CNTNAP4: variants seen among roughly 807,000 people sequenced by gnomAD.
CNTNAP4 encodes the protein contactin-associated protein-like 4.
A neutral mutation model predicts 148.4 loss-of-function variants in CNTNAP4; 98 were observed. The ratio of observed to expected loss-of-function variants is 0.66; its 90% CI spans 0.56 to 0.78. CNTNAP4 has a LOEUF of 0.78. Ranked by LOEUF, CNTNAP4 falls within the 30% of genes least tolerant of loss-of-function variation. The pLI, the probability that CNTNAP4 is intolerant of heterozygous loss-of-function variation, is 0.00. For synonymous variants in CNTNAP4, 730 were observed against 565.1 expected, an observed-to-expected ratio of 1.29 and a Z score of -4.14; for missense variants, 1,935 against 1,565.6, an observed-to-expected ratio of 1.24 and a Z score of -3.98.
rs986707640 is a variant in CNTNAP4, at chr16:76,495,074, C to A, written c.2237+8C>A. 6.2e-7 allele frequency: 1 copy of A among 1,611,486 alleles called. No individual in the cohort carries two copies. The highest frequency in any genetic ancestry group is 2.2e-5 in the East Asian group (1 of 44,816). ...TGCTGACCGGAATGAATGGTGATTT[C>A]CATATGATTTCTTTATGCAAGAAAA... On this transcript the variant is annotated splice_region_variant and intron_variant, in intron 14 of 23. Transcript: ENST00000611870.
chr16:76,383,829 G>T (rs536305776), intron 3 of CNTNAP4, among the ~76,000 whole-genome samples: 1 of 152,288 alleles, frequency 6.6e-6, no homozygotes, highest in Admixed American at 6.5e-5. Context: ...GGGGACATGG[G>T]TGTAGGCGAA....
intron 5 of CNTNAP4, 24 bp from the exon 6 acceptor site, chr16:76,448,743 C>A: frequency 3.3e-6 from 5 of 1,516,900 alleles, no homozygotes; most frequent in Non-Finnish European, 4.4e-6. Flanking sequence ...AATAATGGTG[C>A]TGTTATTTTT....
At chr16:76,329,886 G>A (rs1963353271) in intron 2 of CNTNAP4, among the ~76,000 whole-genome samples, 1 of 152,292 alleles carries the variant, frequency 6.6e-6, no homozygotes, top group South Asian at 2.1e-4. Context: ...CTGTGTGCCA[G>A]AAAGAGAACG....
At chr16:76,371,139 A>C (rs2014771684) in intron 3 of CNTNAP4, among the ~76,000 whole-genome samples, 1 of 152,226 alleles carries the variant, frequency 6.6e-6, no homozygotes, top group African/African-American at 2.4e-5. Context: ...TTAGAGTTCA[A>C]AACATAGATT....
At chr16:76,316,201 A>C in intron 1 of CNTNAP4, 1 of 590,118 alleles carries the variant, frequency 1.7e-6, no homozygotes, top group East Asian at 2.8e-5. Context: ...ATGATTTTTA[A>C]AGTATTTTCA....
chr16:76,548,560 A>G (rs1454600610), intron 21 of CNTNAP4, among the ~76,000 whole-genome samples: 4 of 151,730 alleles, frequency 2.6e-5, no homozygotes, highest in South Asian at 2.1e-4. Context: ...TCGGTACTCC[A>G]TTTTTCTTGC....
intron 10 of CNTNAP4, among the ~76,000 whole-genome samples, chr16:76,471,556 T>C (rs4888510): frequency 0.95 from 143,830 of 152,044 alleles, 68,393 homozygotes; most frequent in Non-Finnish European, 0.99. Flanking sequence ...AGCCCTCAGG[T>C]TCTGGCCTCC....
chr16:76,297,683 A>G (rs908518692), intron 1 of CNTNAP4, among the ~76,000 whole-genome samples: 7 of 152,206 alleles, frequency 4.6e-5, no homozygotes, highest in African/African-American at 1.7e-4. Flanking sequence ...TCAGAAGCTT[A>G]TGATAGATAG....
Position 76,558,688 on chromosome 16 carries a change from C to T in CNTNAP4, c.*5C>T. On this transcript the variant is annotated 3_prime_UTR_variant, in exon 24 of 24. Transcript: ENST00000611870. ...CAGAAAGAGTACTTCTTCTGATTGG[C>T]AGCTATGATTTAACATAAAATTATG... 7 of 1,590,992 alleles carry T rather than the reference C, an allele frequency of 4.4e-6. No homozygotes were observed. Among genetic ancestry groups the T allele is most frequent in the Non-Finnish European group, 6.0e-6 (7 of 1,167,618 alleles).
At chr16:76,320,936 T>C (rs992860320) in intron 2 of CNTNAP4, among the ~76,000 whole-genome samples, 2 of 152,196 alleles carry the variant, frequency 1.3e-5, no homozygotes, top group African/African-American at 4.8e-5. Flanking sequence ...GAAAAATACA[T>C]ATGTACACCT....
chr16:76,387,007 C>T (rs549872995), intron 3 of CNTNAP4, among the ~76,000 whole-genome samples: 2 of 151,440 alleles, frequency 1.3e-5, no homozygotes, highest in African/African-American at 2.4e-5. Flanking sequence ...GCAACCTCTG[C>T]AAGCTGGAAA....
chr16:76,553,608 A>G, intron 22 of CNTNAP4, 107 bp downstream of exon 22: 2 of 854,246 alleles, frequency 2.3e-6, no homozygotes, highest in East Asian at 2.7e-5. Flanking sequence ...GGCTTCTTAA[A>G]GTTGGTTTTG....
intron 2 of CNTNAP4, among the ~76,000 whole-genome samples, chr16:76,323,181 A>T (rs1962609288): frequency 6.6e-6 from 1 of 152,168 alleles, no homozygotes; most frequent in African/African-American, 2.4e-5. Flanking sequence ...AAACAGAGTC[A>T]AATAATTAGT....
At position 76,403,159 on chromosome 16, in the gene CNTNAP4, C is replaced by G. The variant is rs112097847; in HGVS notation, c.391-24293C>G. 9.9e-3 allele frequency among the ~76,000 whole-genome samples: 1,489 copies of G among 150,726 alleles called. 28 individuals carry two copies. The highest frequency in any genetic ancestry group is 0.034 in the African/African-American group (1,383 of 40,894). ...CGGGGCTGGAGTGCAGTGGCGCGAT[C>G]TCGACTCACTGCAAGCTCCACCTTC... On this transcript the variant is annotated intron_variant, in intron 3 of 23. Transcript: ENST00000611870.
intron 1 of CNTNAP4, among the ~76,000 whole-genome samples, chr16:76,286,576 G>C (rs749545845): frequency 6.6e-6 from 1 of 151,996 alleles, no homozygotes; most frequent in Non-Finnish European, 1.5e-5. Flanking sequence ...TCTGAACCTA[G>C]CAATGAAGCA....
rs540442128 is a variant in CNTNAP4 at position 76,476,008 on chromosome 16, T to C, written c.1725T>C (p.Cys575=). Reference sequence around the variant, plus strand: ...CCTGGAGCACCTTTCATTGTAACTGTACCAACACTGGTTACAGAGGAGCTA... The same window carrying C: ...CCTGGAGCACCTTTCATTGTAACTGCACCAACACTGGTTACAGAGGAGCTA... ...SQSWSTFHCN[C]TNTGYRGATC... The change falls in exon 11 of 24, where the codon TGT becomes TGC. Residue 575 remains cysteine, a synonymous_variant. Transcript: ENST00000611870. The C allele has an allele frequency of 1.2e-6, 2 of 1,613,622 alleles. No homozygotes were observed. Among genetic ancestry groups the C allele is most frequent in the African/African-American group, 1.3e-5 (1 of 75,042 alleles).
intron 8 of CNTNAP4, among the ~76,000 whole-genome samples, chr16:76,460,395 C>T (rs2080895853): frequency 6.6e-6 from 1 of 151,790 alleles, no homozygotes; most frequent in South Asian, 2.1e-4. Flanking sequence ...AGGCATGAGC[C>T]ACCACACCTG....
intron 3 of CNTNAP4, among the ~76,000 whole-genome samples, chr16:76,402,351 G>C (rs191508376): frequency 1.3e-5 from 2 of 150,484 alleles, no homozygotes; most frequent in African/African-American, 5.0e-5. Flanking sequence ...TGATGTTTCT[G>C]ATGTTTGGTG....
rs367885149 is a variant in CNTNAP4, at chr16:76,305,506, A to G, written c.86-10907A>G. Among the ~76,000 whole-genome samples the G allele has an allele frequency of 6.6e-5, 10 of 152,222 alleles. No individual in the cohort carries two copies. The East Asian group carries it at 9.7e-4, about 15-fold the overall frequency. On this transcript the variant is annotated intron_variant, in intron 1 of 23. Coordinates refer to ENST00000611870, the MANE Select transcript of CNTNAP4 (RefSeq NM_033401.5). ...TATTTTCATTGCCCGTTTTTAATAAAGAAATTATCTAAGGCTTTTGAATTT... is the reference window on the plus strand; with the variant it reads ...TATTTTCATTGCCCGTTTTTAATAAGGAAATTATCTAAGGCTTTTGAATTT...
Sources: gnomAD v4.1 joint callset for allele counts (sites outside exome capture counted in the v4.1 genomes callset) on GRCh38, gnomAD v4.1.1 for gene constraint, MANE v1.5 for transcripts, NCBI Gene and HGNC (gene_info 2026-07-23, HGNC 2026-07-21) for gene names.